KSR2: variants seen among roughly 807,000 people sequenced by gnomAD.
The protein encoded by KSR2 is kinase suppressor of ras 2.
KSR2 carries 25 observed loss-of-function variants against 107.8 expected under a neutral mutation model. The ratio of observed to expected loss-of-function variants is 0.23; its 90% CI spans 0.17 to 0.32. KSR2 has a LOEUF of 0.32. Ranked by LOEUF, KSR2 falls within the 10% of genes least tolerant of loss-of-function variation. KSR2 has a pLI of 1.00. For missense variants in KSR2, 887 were observed against 1,268.9 expected, an observed-to-expected ratio of 0.70 and a Z score of 4.57; for synonymous variants, 480 against 507.0, an observed-to-expected ratio of 0.95 and a Z score of 0.71.
At chr12:117,668,814 G>A (rs895403360) in intron 4 of KSR2, among the ~76,000 whole-genome samples, 1 of 152,136 alleles carries the variant, frequency 6.6e-6, no homozygotes, top group Non-Finnish European at 1.5e-5. Context: ...AGAAGCTTCA[G>A]GAAAGTTTGG....
chr12:117,895,794 C>T (rs1894492329), intron 1 of KSR2, among the ~76,000 whole-genome samples: 1 of 152,232 alleles, frequency 6.6e-6, no homozygotes, highest in African/African-American at 2.4e-5. Context: ...CATGGTGGCT[C>T]ATGCCTGTAA....
intron 3 of KSR2, among the ~76,000 whole-genome samples, chr12:117,816,130 C>T (rs901750139): frequency 6.6e-6 from 1 of 150,510 alleles, no homozygotes; most frequent in African/African-American, 2.4e-5. Flanking sequence ...TTTGTGACTC[C>T]TTCAACCAAT....
chr12:117,689,418 C>T lies in KSR2; in HGVS notation c.987-21760G>A, dbSNP rs573580728. Reference sequence around the variant, plus strand: ...GTTCTATAACAGGGGTGAAAACTTTCTCTGTAAAGGGCCAGATAGTAAATA... The same window carrying T: ...GTTCTATAACAGGGGTGAAAACTTTTTCTGTAAAGGGCCAGATAGTAAATA... On this transcript the variant is annotated intron_variant, in intron 4 of 19. Coordinates refer to ENST00000339824, the MANE Select transcript of KSR2 (RefSeq NM_173598.6). Among the ~76,000 whole-genome samples, 4 of 152,352 alleles carry T rather than the reference C, an allele frequency of 2.6e-5. No homozygotes were observed. The East Asian group carries it at 5.8e-4, about 22-fold the overall frequency.
intron 3 of KSR2, among the ~76,000 whole-genome samples, chr12:117,833,282 G>A (rs1892054361): frequency 1.3e-5 from 2 of 152,174 alleles, no homozygotes; most frequent in African/African-American, 4.8e-5. Context: ...CACTGTAAAC[G>A]TGGACCAATG....
At chr12:117,584,580 C>G (rs1388794623) in intron 5 of KSR2, among the ~76,000 whole-genome samples, 1 of 152,166 alleles carries the variant, frequency 6.6e-6, no homozygotes, top group Non-Finnish European at 1.5e-5. Context: ...CAATGTCTGC[C>G]ACGGGTGAAG....
chr12:117,874,806 T>TGAA (rs1188737106), intron 1 of KSR2, among the ~76,000 whole-genome samples: 8 of 150,362 alleles, frequency 5.3e-5, no homozygotes, highest in East Asian at 2.0e-4. Flanking sequence ...AGAGCCAAAC[T>TGAA]GAAGAAGAAG....
At chr12:117,668,763 A>G (rs1458457043) in intron 4 of KSR2, among the ~76,000 whole-genome samples, 2 of 152,174 alleles carry the variant, frequency 1.3e-5, no homozygotes, top group Non-Finnish European at 2.9e-5. Context: ...TATCTGTCTG[A>G]TAGTTCCTTC....
chr12:117,778,687 G>A (rs1377295456), intron 3 of KSR2, among the ~76,000 whole-genome samples: 1 of 152,170 alleles, frequency 6.6e-6, no homozygotes, highest in African/African-American at 2.4e-5. Flanking sequence ...GGCCTCTGAG[G>A]GAGGGAGAAG....
chr12:117,516,949 C>T (rs1592947372), intron 14 of KSR2, among the ~76,000 whole-genome samples: 1 of 152,088 alleles, frequency 6.6e-6, no homozygotes, highest in African/African-American at 2.4e-5. Context: ...TAGGTATGGC[C>T]AACAGACTCA....
intron 9 of KSR2, among the ~76,000 whole-genome samples, chr12:117,545,599 AT>A (rs540523156): frequency 7.5e-4 from 114 of 152,296 alleles, no homozygotes; most frequent in Middle Eastern, 6.8e-3. Flanking sequence ...CTCTTTATCC[AT>A]TTGATGACTG....
chr12:117,844,482 A>AT (rs11299760), intron 3 of KSR2, among the ~76,000 whole-genome samples: 43 of 72,552 alleles, frequency 5.9e-4, no homozygotes, highest in African/African-American at 9.7e-4. Context: ...TCTTCTGAGT[A>AT]TTTTTTTTTT....
chr12:117,674,209 T>C (rs1296829532), intron 4 of KSR2: 1 of 452,286 alleles, frequency 2.2e-6, no homozygotes, highest in African/African-American at 2.0e-5. Flanking sequence ...AAATCTTACA[T>C]TGTCTTTGAA....
At chr12:117,835,030 C>T (rs941941217) in intron 3 of KSR2, among the ~76,000 whole-genome samples, 10 of 152,128 alleles carry the variant, frequency 6.6e-5, no homozygotes, top group South Asian at 2.1e-4. Context: ...AAATCGAACC[C>T]GAGACACAGA....
At chr12:117,711,064 T>G (rs1294458106) in intron 4 of KSR2, among the ~76,000 whole-genome samples, 1 of 152,206 alleles carries the variant, frequency 6.6e-6, no homozygotes, top group African/African-American at 2.4e-5. Context: ...CATTTCTCAT[T>G]GCACTCTACA....
intron 14 of KSR2, among the ~76,000 whole-genome samples, chr12:117,521,511 T>C (rs948389330): frequency 9.2e-5 from 14 of 152,280 alleles, no homozygotes; most frequent in South Asian, 2.1e-4. Flanking sequence ...AACGACCCAA[T>C]TGTGAAACAA....
At chr12:117,668,975 C>A (rs557144941) in intron 4 of KSR2, among the ~76,000 whole-genome samples, 5 of 152,270 alleles carry the variant, frequency 3.3e-5, no homozygotes, top group Non-Finnish European at 7.4e-5. Flanking sequence ...AAGAAGAGCT[C>A]TTCCAGGGAC....
intron 7 of KSR2, among the ~76,000 whole-genome samples, chr12:117,571,449 G>A (rs1476360040): frequency 6.6e-6 from 1 of 152,118 alleles, no homozygotes; most frequent in Non-Finnish European, 1.5e-5. Flanking sequence ...CCCTGAAAAA[G>A]GTAGTCACTG....
At chr12:117,868,095 T>C (rs571511848) in intron 1 of KSR2, among the ~76,000 whole-genome samples, 115 of 152,294 alleles carry the variant, frequency 7.6e-4, no homozygotes, top group Non-Finnish European at 1.3e-3. Flanking sequence ...GGTTAAGGTG[T>C]CCTTGCTAGA....
At chr12:117,829,719 A>G (rs569540590) in intron 3 of KSR2, among the ~76,000 whole-genome samples, 39 of 152,382 alleles carry the variant, frequency 2.6e-4, no homozygotes, top group Admixed American at 9.1e-4. Flanking sequence ...CAACTAATCA[A>G]TTCAACCATT....
Sources: allele counts gnomAD v4.1 joint callset (sites outside exome capture counted in the v4.1 genomes callset), GRCh38; gene constraint gnomAD v4.1.1; transcripts MANE v1.5; gene names NCBI Gene and HGNC (gene_info 2026-07-23, HGNC 2026-07-21).